The following ACTR3B variants were observed in gnomAD, a reference collection of about 807,000 sequenced individuals.
ACTR3B encodes actin related protein 3B.
Under a neutral mutation model 59.0 loss-of-function variants are expected in ACTR3B, and 8 were observed. The observed-to-expected ratio is 0.14, with a 90% CI of 0.08 to 0.24. The LOEUF is 0.24. ACTR3B is among the 10% of genes least tolerant of loss of function. ACTR3B has a pLI of 1.00. For synonymous variants in ACTR3B, 148 were observed against 197.9 expected, an observed-to-expected ratio of 0.75 and a Z score of 2.12; for missense variants, 245 against 552.3, an observed-to-expected ratio of 0.44 and a Z score of 5.58.
Position 152,852,139 on chromosome 7 carries a change from C to T in ACTR3B, c.965C>T (p.Ser322Leu). The T allele has an allele frequency of 6.2e-7, 1 of 1,614,040 alleles. No individual in the cohort carries two copies. Among genetic ancestry groups the T allele is most frequent in the Non-Finnish European group, 8.5e-7 (1 of 1,179,996 alleles). Residue 322 changes from serine (S) to leucine (L), a missense_variant, in exon 10 of 12, where the codon TCA (serine) becomes TTA (leucine). Physicochemically the swap from Ser to Leu is moderately radical, Grantham distance 145 (BLOSUM62 -2). Coordinates refer to ENST00000256001, the MANE Select transcript of ACTR3B (RefSeq NM_020445.6). ...RRPLYKNVVL[S>L]GGSTMFRDFG... ...TGTGTCTTGTAGAATGTCGTACTCTCAGGAGGCTCCACCATGTTCAGGGAT... is the reference window on the plus strand; with the variant it reads ...TGTGTCTTGTAGAATGTCGTACTCTTAGGAGGCTCCACCATGTTCAGGGAT...
intron 6 of ACTR3B, among the ~76,000 whole-genome samples, chr7:152,817,721 A>G (rs1413252683): frequency 6.6e-6 from 1 of 152,134 alleles, no homozygotes; most frequent in African/African-American, 2.4e-5. Flanking sequence ...GGGGGTGTGT[A>G]TGTGTATATA....
intron 9 of ACTR3B, among the ~76,000 whole-genome samples, chr7:152,841,642 A>G (rs1236029432): frequency 3.3e-5 from 5 of 152,236 alleles, no homozygotes; most frequent in East Asian, 1.9e-4. Flanking sequence ...GGGGGATTCA[A>G]TGTTAAAAAT....
Position 152,824,931 on chromosome 7 carries a change from A to T in ACTR3B, c.859-99A>T. On this transcript the variant is annotated intron_variant, in intron 8 of 11. Coordinates refer to ENST00000256001, the MANE Select transcript of ACTR3B (RefSeq NM_020445.6). This position sits in a 1 kb window ranked among gnomAD's most constrained non-coding sequence, Gnocchi z 4.2. ...CCAATGTGAATTCTTTTAAGTTATA[A>T]TAAATTGTATATTTGTTAAAGTTAC... The T allele has an allele frequency of 7.9e-7, 1 of 1,272,946 alleles. No individual in the cohort carries two copies. The highest frequency in any genetic ancestry group is 2.6e-5 in the East Asian group (1 of 38,088). The allele number at this position is 1,272,946 out of a possible 1,614,324, so 78.9% of individuals were successfully genotyped here.
At chr7:152,831,959 G>C (rs561147485) in intron 9 of ACTR3B, among the ~76,000 whole-genome samples, 1 of 152,280 alleles carries the variant, frequency 6.6e-6, no homozygotes, top group Non-Finnish European at 1.5e-5. Context: ...TTTTCTGCAG[G>C]AGTGTAATGT....
chr7:152,830,803 A>G (rs1796965973), intron 9 of ACTR3B, among the ~76,000 whole-genome samples: 1 of 152,178 alleles, frequency 6.6e-6, no homozygotes, highest in African/African-American at 2.4e-5. Flanking sequence ...ATCCTGCCTC[A>G]GCCCCAAAGC....
intron 4 of ACTR3B, among the ~76,000 whole-genome samples, chr7:152,809,026 C>T (rs944530178): frequency 6.6e-6 from 1 of 152,068 alleles, no homozygotes; most frequent in East Asian, 1.9e-4. Context: ...TAATCGCTAA[C>T]ATTTATACTT....
intron 5 of ACTR3B, among the ~76,000 whole-genome samples, chr7:152,815,812 T>G (rs35723732): frequency 6.6e-6 from 1 of 152,224 alleles, no homozygotes; most frequent in Admixed American, 6.5e-5. Flanking sequence ...TTTAAACAAC[T>G]CCACAAGTGA....
At chr7:152,806,862 G>A (rs1440974330) in intron 4 of ACTR3B, among the ~76,000 whole-genome samples, 1 of 152,234 alleles carries the variant, frequency 6.6e-6, no homozygotes, top group Non-Finnish European at 1.5e-5. Flanking sequence ...TCACAAACTT[G>A]CAGTGTTGGT....
intron 2 of ACTR3B, among the ~76,000 whole-genome samples, chr7:152,788,310 C>T (rs2116652246): frequency 6.6e-6 from 1 of 151,820 alleles, no homozygotes; most frequent in South Asian, 2.1e-4. Context: ...ATTTGACTTT[C>T]ATGGATAGGA....
At chr7:152,801,582 C>G (rs112156405) in intron 3 of ACTR3B, 39 bp from the exon 4 acceptor site, 12 of 1,232,842 alleles carry the variant, frequency 9.7e-6, no homozygotes, top group East Asian at 3.2e-5. Flanking sequence ...CTTATTGTTG[C>G]GAACTGAGGC....
rs560165273 is a variant in ACTR3B at position 152,805,440 on chromosome 7, T to C, written c.336+3709T>C. Among the ~76,000 whole-genome samples the C allele has an allele frequency of 2.0e-5, 3 of 152,294 alleles. No homozygotes were observed. In the South Asian group the frequency reaches 6.2e-4, roughly 32 times the overall value. Reference sequence around the variant, plus strand: ...GTCAGTAGCATTCACGTGTTGATAGTTGATGGAAAATTAACTCTGATTACT... The same window carrying C: ...GTCAGTAGCATTCACGTGTTGATAGCTGATGGAAAATTAACTCTGATTACT... On this transcript the variant is annotated intron_variant, in intron 4 of 11. Coordinates refer to ENST00000256001, the MANE Select transcript of ACTR3B (RefSeq NM_020445.6).
intron 10 of ACTR3B, among the ~76,000 whole-genome samples, chr7:152,852,670 A>G (rs1798909245): frequency 6.6e-6 from 1 of 152,250 alleles, no homozygotes; most frequent in African/African-American, 2.4e-5. Flanking sequence ...CCTCCAAGAT[A>G]GTAATTCTTA....
At chr7:152,772,456 T>G (rs373586738) in intron 1 of ACTR3B, among the ~76,000 whole-genome samples, 2 of 152,148 alleles carry the variant, frequency 1.3e-5, no homozygotes, top group Admixed American at 6.5e-5. Context: ...ATCTAAGAGT[T>G]CAAGGTTACA....
At chr7:152,829,306 G>A (rs1316403173) in intron 9 of ACTR3B, among the ~76,000 whole-genome samples, 3 of 152,130 alleles carry the variant, frequency 2.0e-5, no homozygotes, top group Non-Finnish European at 2.9e-5. Flanking sequence ...GGCCTTCAGA[G>A]CTTGCCCATC....
In ACTR3B at chr7:152,820,287, C is replaced by G. The variant is rs1796042696; in HGVS notation, c.541-12C>G. ...CACTAACACAGCTGTTCTGCCTCCT[C>G]TTCTTCCCTAGGCAGAAGGTTATGT... On this transcript the variant is annotated splice_polypyrimidine_tract_variant and intron_variant, in intron 6 of 11. Coordinates refer to ENST00000256001, the MANE Select transcript of ACTR3B (RefSeq NM_020445.6). 6.3e-7 allele frequency: 1 copy of G among 1,576,178 alleles called. No homozygotes were observed. Among genetic ancestry groups the G allele is most frequent in the Non-Finnish European group, 8.6e-7 (1 of 1,156,136 alleles).
At chr7:152,829,325 A>G (rs71541796) in intron 9 of ACTR3B, among the ~76,000 whole-genome samples, 12 of 152,160 alleles carry the variant, frequency 7.9e-5, no homozygotes, top group Admixed American at 7.2e-4. Flanking sequence ...TCTTCTGACT[A>G]CAAGTTTGTT....
chr7:152,807,032 A>G (rs983530275), intron 4 of ACTR3B, among the ~76,000 whole-genome samples: 8 of 152,226 alleles, frequency 5.3e-5, no homozygotes, highest in African/African-American at 1.9e-4. Flanking sequence ...AGCTGTGGCA[A>G]GATGTGCTGC....
chr7:152,831,785 A>C (rs1388506493), intron 9 of ACTR3B, among the ~76,000 whole-genome samples: 1 of 152,016 alleles, frequency 6.6e-6, no homozygotes, highest in Non-Finnish European at 1.5e-5. Flanking sequence ...TGAACATGGG[A>C]ATGGGGAGTG....
At chr7:152,778,731 A>G (rs1476819863) in intron 1 of ACTR3B, among the ~76,000 whole-genome samples, 11 of 151,706 alleles carry the variant, frequency 7.3e-5, no homozygotes, top group Admixed American at 6.6e-4. Flanking sequence ...CTTGAGCCCA[A>G]GAGTTTGAGA....
Sources: gnomAD v4.1 joint callset for allele counts (sites outside exome capture counted in the v4.1 genomes callset) on GRCh38, gnomAD v4.1.1 for gene constraint, Gnocchi (gnomAD v3.1) non-coding constraint, MANE v1.5 for transcripts, NCBI Gene and HGNC (gene_info 2026-07-23, HGNC 2026-07-21) for gene names.